CCDC40: variants seen among roughly 807,000 people sequenced by gnomAD.
The protein encoded by CCDC40 is coiled-coil domain-containing protein 40.
Under a neutral mutation model 124.5 loss-of-function variants are expected in CCDC40, and 104 were observed. The observed-to-expected ratio is 0.84, with a 90% CI of 0.71 to 0.98. CCDC40 has a LOEUF of 0.98. Among genes scored for constraint, CCDC40 ranks in the 50% least tolerant of loss-of-function variants. The probability of loss-of-function intolerance (pLI) is 0.00; values close to 1 mark genes in which losing one functional copy is unlikely to be tolerated. For missense variants in CCDC40, 1,463 were observed against 1,503.9 expected (o/e 0.97, Z 0.45); for synonymous variants, 580 against 602.9 (o/e 0.96, Z 0.56).
intron 10 of CCDC40, among the ~76,000 whole-genome samples, chr17:80,077,421 G>A (rs781688750): frequency 1.6e-4 from 24 of 152,186 alleles, no homozygotes; most frequent in Admixed American, 5.9e-4. Context: ...TACTTGGGTG[G>A]CTGAGGCAGG....
chr17:80,067,904 T>C (rs2038089613), intron 10 of CCDC40: 13 of 1,339,700 alleles, frequency 9.7e-6, no homozygotes, highest in Middle Eastern at 2.8e-4. Flanking sequence ...ATGCGCAGAA[T>C]GTTGAGTGAA....
At chr17:80,083,671 A>G (rs1310951937) in intron 12 of CCDC40, among the ~76,000 whole-genome samples, 1 of 152,038 alleles carries the variant, frequency 6.6e-6, no homozygotes, top group Non-Finnish European at 1.5e-5. Flanking sequence ...CCACTGCCTC[A>G]CTCCTGATTA....
chr17:80,050,225 G>C lies in CCDC40; in HGVS notation c.1101G>C (p.Gln367His), dbSNP rs1299718319. The C allele has an allele frequency of 1.9e-6, 3 of 1,602,848 alleles. No homozygotes were observed. The African/African-American group carries it at 4.0e-5, about 21-fold the overall frequency. Residue 367 changes from glutamine to histidine, a missense_variant, in exon 7 of 20, where the codon CAG (glutamine) becomes CAC (histidine). Physicochemically the swap from Gln to His is conservative, Grantham distance 24. Coordinates refer to ENST00000397545, the MANE Select transcript of CCDC40 (RefSeq NM_017950.4). ...SERRQKEEEL[Q>H]AARALYTKTC... ...GCAGGCAGAAGGAGGAGGAGCTGCA[G>C]GCCGCCCGCGCTCTCTACACCAAGA...
intron 4 of CCDC40, chr17:80,048,271 T>TA (rs1320688107): frequency 2.5e-5 from 10 of 392,212 alleles, no homozygotes; most frequent in African/African-American, 4.1e-5. Context: ...GGATAAAAAA[T>TA]ATTGTATCCA....
intron 16 of CCDC40, among the ~76,000 whole-genome samples, chr17:80,089,079 C>G (rs942693559): frequency 6.6e-6 from 1 of 152,204 alleles, no homozygotes; most frequent in African/African-American, 2.4e-5. Flanking sequence ...ATTCCAACGC[C>G]CTTCACTTCC....
intron 12 of CCDC40, among the ~76,000 whole-genome samples, chr17:80,082,439 C>T (rs968898575): frequency 6.6e-6 from 1 of 151,338 alleles, no homozygotes; most frequent in African/African-American, 2.4e-5. Flanking sequence ...AAAAACAATT[C>T]CTTACTTGAA....
chr17:80,059,243 G>A (rs1020992453), intron 9 of CCDC40, among the ~76,000 whole-genome samples: 7 of 152,152 alleles, frequency 4.6e-5, no homozygotes, highest in Non-Finnish European at 7.3e-5. Flanking sequence ...CTTCATGACC[G>A]CCAAGGCCAG....
chr17:80,060,156 A>G (rs1271045594), intron 9 of CCDC40, among the ~76,000 whole-genome samples: 3 of 152,168 alleles, frequency 2.0e-5, no homozygotes, highest in East Asian at 3.8e-4. Flanking sequence ...GGGGTCCCCA[A>G]GACAAGGGAC....
At chr17:80,074,409 C>T (rs1181745013) in intron 10 of CCDC40, among the ~76,000 whole-genome samples, 2 of 152,148 alleles carry the variant, frequency 1.3e-5, no homozygotes, top group South Asian at 2.1e-4. Flanking sequence ...CACTTGAACC[C>T]AGGAGGCGGA....
chr17:80,065,613 C>A lies in CCDC40; in HGVS notation c.1562+7C>A, dbSNP rs750049672. 1 of 1,611,984 alleles carries A rather than the reference C, an allele frequency of 6.2e-7. No homozygotes were observed. The highest frequency in any genetic ancestry group is 2.2e-5 in the East Asian group (1 of 44,830). On this transcript the variant is annotated splice_region_variant and intron_variant, in intron 10 of 19. Transcript: ENST00000397545. ...CGGTGCTGGAGGCGCTCAGGTACTG[C>A]AGGGCCACAGGCAGCGAGGATGTGC...
intron 17 of CCDC40, chr17:80,090,282 ACAC>A (rs2038689425): frequency 7.6e-7 from 1 of 1,308,662 alleles, no homozygotes; most frequent in Non-Finnish European, 1.0e-6. Context: ...TGCACGAACA[ACAC>A]GGGACGCGCG....
intron 9 of CCDC40, among the ~76,000 whole-genome samples, chr17:80,059,418 A>G (rs1134515): frequency 0.33 from 50,603 of 151,058 alleles, 11,286 homozygotes; most frequent in African/African-American, 0.64. Flanking sequence ...GAAGGGGGTG[A>G]AAGCTGCTCC....
chr17:80,096,695 A>G (rs2038815545), intron 18 of CCDC40, among the ~76,000 whole-genome samples: 1 of 151,822 alleles, frequency 6.6e-6, no homozygotes, highest in Admixed American at 6.6e-5. Context: ...CACCCCAAAG[A>G]TCTTCCGTGT....
At chr17:80,038,045 G>T in intron 1 of CCDC40, 78 bp from the exon 2 acceptor site, 1 of 910,176 alleles carries the variant, frequency 1.1e-6, no homozygotes, top group Non-Finnish European at 1.8e-6. Context: ...AAACAGATGT[G>T]CAGAATTCAG....
intron 9 of CCDC40, among the ~76,000 whole-genome samples, chr17:80,062,728 T>C (rs892963640): frequency 6.6e-6 from 1 of 152,056 alleles, no homozygotes; most frequent in Admixed American, 6.6e-5. Context: ...TATAAGCACA[T>C]GCCACCACAC....
rs374247833 is a variant in CCDC40, at chr17:80,099,118, T to TA, written c.3181-395dup. On this transcript the variant is annotated intron_variant, in intron 19 of 19. Coordinates refer to ENST00000397545, the MANE Select transcript of CCDC40 (RefSeq NM_017950.4). ...TAACACGGTGAAACCCTGTCTCTAC[T>TA]AAAAAAAAAAAAAATACAAAAAATT... Among the ~76,000 whole-genome samples, 901 of 140,996 alleles carry TA rather than the reference T, an allele frequency of 6.4e-3. 9 individuals carry two copies. Among genetic ancestry groups the TA allele is most frequent in the African/African-American group, 0.019 (731 of 38,554 alleles). 92.5% of individuals were successfully genotyped at this position (140,996 alleles called of 152,430 possible).
intron 4 of CCDC40, 73 bp downstream of exon 4, chr17:80,047,475 G>A: frequency 1.3e-6 from 2 of 1,515,264 alleles, no homozygotes; most frequent in Non-Finnish European, 1.8e-6. Flanking sequence ...TGCAAGGGAT[G>A]CCACTCGTTT....
intron 10 of CCDC40, among the ~76,000 whole-genome samples, chr17:80,074,440 G>T (rs941626868): frequency 2.0e-5 from 3 of 152,170 alleles, no homozygotes; most frequent in Non-Finnish European, 4.4e-5. Context: ...AGCCGAGATC[G>T]CGCCACTGCA....
rs200124291 is a variant in CCDC40, at chr17:80,065,553, G to C, written c.1509G>C (p.Leu503=). The stretch of plus-strand genomic sequence containing the variant: ...TCATGCAGCAATGGGCCAGCAGCCT[G>C]GTGGGCATGAAGCACCGCGACGAGG... ...RRIMQQWASS[L]VGMKHRDEAH... The change falls in exon 10 of 20, where the codon CTG becomes CTC. Residue 503 remains leucine (L), a synonymous_variant. Coordinates refer to ENST00000397545, the MANE Select transcript of CCDC40 (RefSeq NM_017950.4). 23 of 1,613,106 alleles carry C rather than the reference G, an allele frequency of 1.4e-5. 1 individual carries two copies. The East Asian group carries it at 4.2e-4, about 30-fold the overall frequency.
Sources: gnomAD v4.1 joint callset for allele counts (sites outside exome capture counted in the v4.1 genomes callset) on GRCh38, gnomAD v4.1.1 for gene constraint, MANE v1.5 for transcripts, NCBI Gene and HGNC (gene_info 2026-07-23, HGNC 2026-07-21) for gene names.